DGKB: variants seen among roughly 807,000 people sequenced by gnomAD.
DGKB encodes the protein 90 kDa diacylglycerol kinase.
In DGKB, 67 loss-of-function variants were observed where a neutral mutation model predicts 114.3. The observed-to-expected ratio is 0.59, with a 90% CI of 0.48 to 0.72. The LOEUF (loss-of-function observed/expected upper bound fraction) is 0.72. Ranked by LOEUF, DGKB falls within the 30% of genes least tolerant of loss-of-function variation. The pLI is 0.00. For synonymous variants in DGKB, 398 were observed against 323.1 expected (o/e 1.23, Z -2.49); for missense variants, 907 against 975.2 (o/e 0.93, Z 0.93).
At chr7:14,485,268 C>A (rs372193903) in intron 20 of DGKB, among the ~76,000 whole-genome samples, 118 of 148,624 alleles carry the variant, frequency 7.9e-4, no homozygotes, top group African/African-American at 2.7e-3. Flanking sequence ...TGCTAGATTG[C>A]ATTTTTTGTC....
intron 23 of DGKB, among the ~76,000 whole-genome samples, chr7:14,189,636 A>G (rs998274170): frequency 4.6e-5 from 7 of 152,160 alleles, no homozygotes; most frequent in Non-Finnish European, 5.9e-5. Flanking sequence ...ATAAAATAAA[A>G]TAAGACCCAA....
At chr7:14,861,433 C>A (rs555371655) in intron 1 of DGKB, among the ~76,000 whole-genome samples, 1 of 151,874 alleles carries the variant, frequency 6.6e-6, no homozygotes, top group African/African-American at 2.4e-5. Context: ...CATAGCTGAT[C>A]TTTTTTTCAT....
chr7:14,170,753 G>A (rs551542420), intron 25 of DGKB, among the ~76,000 whole-genome samples: 6 of 152,064 alleles, frequency 3.9e-5, no homozygotes, highest in Non-Finnish European at 8.8e-5. Flanking sequence ...TTTTCTTTTT[G>A]AATAGTCTGT....
chr7:14,867,038 G>C (rs1851802745), intron 1 of DGKB, among the ~76,000 whole-genome samples: 1 of 152,152 alleles, frequency 6.6e-6, no homozygotes, highest in Admixed American at 6.5e-5. Context: ...CTTTGGTTAA[G>C]TGTCTGCTAA....
At chr7:14,565,486 G>A (rs1384389109) in intron 20 of DGKB, among the ~76,000 whole-genome samples, 2 of 152,148 alleles carry the variant, frequency 1.3e-5, no homozygotes, top group Non-Finnish European at 2.9e-5. Flanking sequence ...AAGTGAGATA[G>A]TCTTCTAAGC....
intron 20 of DGKB, among the ~76,000 whole-genome samples, chr7:14,523,300 T>G (rs1348637539): frequency 6.6e-6 from 1 of 152,190 alleles, no homozygotes; most frequent in African/African-American, 2.4e-5. Context: ...AGACCACCTA[T>G]GAAAAGAGAC....
At chr7:14,451,541 A>ATCTCTCTC (rs764731256) in intron 21 of DGKB, among the ~76,000 whole-genome samples, 2 of 99,210 alleles carry the variant, frequency 2.0e-5, no homozygotes, top group African/African-American at 4.3e-5. Context: ...AAATCTCTCT[A>ATCTCTCTC]TCTGTCTCTC....
Position 14,864,696 on chromosome 7 carries a change from A to G in DGKB, c.-187-23246T>C, listed in dbSNP as rs906828798. ...AGCGATTAGCCAGGCAGAAAGAACA[A>G]TATACTTAAAGACAGAGAAATGTAC... On this transcript the variant is annotated intron_variant, in intron 1 of 25. Transcript: ENST00000402815. Among the ~76,000 whole-genome samples, 14 of 152,212 alleles carry G rather than the reference A, an allele frequency of 9.2e-5. No individual in the cohort carries two copies. The East Asian group carries it at 2.5e-3, about 27-fold the overall frequency.
chr7:14,457,135 A>G (rs912075906), intron 21 of DGKB, among the ~76,000 whole-genome samples: 3 of 152,200 alleles, frequency 2.0e-5, no homozygotes, highest in Middle Eastern at 3.2e-3. Context: ...TACATCATAT[A>G]TTTAATTGTA....
At chr7:14,190,592 A>G (rs1426872319) in intron 23 of DGKB, among the ~76,000 whole-genome samples, 1 of 152,128 alleles carries the variant, frequency 6.6e-6, no homozygotes, top group Non-Finnish European at 1.5e-5. Context: ...AATTCAAAAG[A>G]TCAACAAAAT....
At chr7:14,955,237 G>A (rs1182932698) in intron 1 of DGKB, among the ~76,000 whole-genome samples, 1 of 152,050 alleles carries the variant, frequency 6.6e-6, no homozygotes, top group East Asian at 1.9e-4. Flanking sequence ...CCAAGATTTT[G>A]TATTACCATT....
intron 23 of DGKB, chr7:14,268,950 G>A (rs1797901624): frequency 6.6e-6 from 1 of 152,174 alleles, no homozygotes. Flanking sequence ...CACAGTTTCT[G>A]TGGGTCAAGG....
At chr7:14,952,592 C>G (rs868012255) in intron 1 of DGKB, among the ~76,000 whole-genome samples, 2 of 151,732 alleles carry the variant, frequency 1.3e-5, no homozygotes, top group Middle Eastern at 3.4e-3. Flanking sequence ...CCCATCTCTT[C>G]TAAAAATACA....
chr7:14,575,485 T>TA (rs1309746009), intron 19 of DGKB, among the ~76,000 whole-genome samples: 1 of 152,226 alleles, frequency 6.6e-6, no homozygotes, highest in Admixed American at 6.5e-5. Context: ...CTGACAGAGT[T>TA]ACTGTTTTTG....
At chr7:14,351,510 A>G (rs2128606898) in intron 21 of DGKB, among the ~76,000 whole-genome samples, 1 of 152,330 alleles carries the variant, frequency 6.6e-6, no homozygotes, top group East Asian at 1.9e-4. Flanking sequence ...TCCCCTGGGA[A>G]ATTAAATGTC....
intron 7 of DGKB, among the ~76,000 whole-genome samples, chr7:14,700,254 C>T (rs1006950865): frequency 2.0e-5 from 3 of 150,518 alleles, no homozygotes; most frequent in Non-Finnish European, 3.0e-5. Flanking sequence ...TGCTCTCTCG[C>T]CCAGGCTGGA....
intron 20 of DGKB, among the ~76,000 whole-genome samples, chr7:14,527,555 G>A (rs1790842522): frequency 6.6e-6 from 1 of 151,976 alleles, no homozygotes; most frequent in Non-Finnish European, 1.5e-5. Flanking sequence ...GATTTCAACT[G>A]AAAATATTCT....
intron 21 of DGKB, among the ~76,000 whole-genome samples, chr7:14,386,173 C>T (rs1449702896): frequency 6.6e-6 from 1 of 152,182 alleles, no homozygotes; most frequent in Non-Finnish European, 1.5e-5. Context: ...CGCCTGAAAG[C>T]TTCTAATGTA....
Position 14,189,393 on chromosome 7 carries a change from A to G in DGKB, c.2123-11242T>C, listed in dbSNP as rs74414452. 2.2e-4 allele frequency among the ~76,000 whole-genome samples: 33 copies of G among 151,900 alleles called. No homozygotes were observed. In the East Asian group the frequency reaches 6.2e-3, roughly 28 times the overall value. On this transcript the variant is annotated intron_variant, in intron 23 of 25. Coordinates refer to ENST00000402815, the MANE Select transcript of DGKB (RefSeq NM_001350709.2). ...TTATGTTAGCCTGTGGTAATCACAA[A>G]CAAATAATGTACTGCAGACAATCAA... is the stretch of plus-strand genomic sequence containing the variant.
Sources: gnomAD v4.1 joint callset for allele counts (sites outside exome capture counted in the v4.1 genomes callset) on GRCh38, gnomAD v4.1.1 for gene constraint, MANE v1.5 for transcripts, NCBI Gene and HGNC (gene_info 2026-07-23, HGNC 2026-07-21) for gene names.